Variants in GOLGA4 observed in about 807,000 individuals in gnomAD.
GOLGA4 encodes golgin subfamily A member 4.
GOLGA4 carries 169 observed loss-of-function variants against 265.9 expected under a neutral mutation model. That is an observed-to-expected ratio of 0.64 (90% CI 0.56 to 0.72). The LOEUF (loss-of-function observed/expected upper bound fraction) is 0.72, where lower values mean the gene tolerates loss of function less well. GOLGA4 is among the 30% of genes least tolerant of loss of function. GOLGA4 has a pLI of 0.00. For missense variants in GOLGA4, 2,482 were observed against 2,483.4 expected, an observed-to-expected ratio of 1.00 and a Z score of 0.01; for synonymous variants, 923 against 855.8, an observed-to-expected ratio of 1.08 and a Z score of -1.37.
At chr3:37,342,839 A>G (rs1192137908) in intron 20 of GOLGA4, among the ~76,000 whole-genome samples, 1 of 152,180 alleles carries the variant, frequency 6.6e-6, no homozygotes, top group Admixed American at 6.5e-5. Flanking sequence ...AGTAATTTCC[A>G]CTTCCATCAG....
In GOLGA4 at chr3:37,327,274, T is replaced by C. The variant is rs2096974566; in HGVS notation, c.5388T>C (p.His1796=). Residue 1796 remains histidine (H), a synonymous_variant, in exon 14 of 24, where the codon CAT becomes CAC. Transcript: ENST00000361924. ...KQHEDQSMIG[H]LQEELEEKNK... ...ATGAAGATCAAAGTATGATAGGTCATCTTCAAGAGGAGCTTGAAGAAAAAA... is the reference window on the plus strand; with the variant it reads ...ATGAAGATCAAAGTATGATAGGTCACCTTCAAGAGGAGCTTGAAGAAAAAA... 1 of 1,613,646 alleles carries C rather than the reference T, an allele frequency of 6.2e-7. No homozygotes were observed. The highest frequency in any genetic ancestry group is 8.5e-7 in the Non-Finnish European group (1 of 1,179,782).
rs1160265353 is a variant in GOLGA4 at position 37,327,546 on chromosome 3, T to C, written c.5660T>C (p.Leu1887Ser). Residue 1887 changes from leucine (L) to serine (S), a missense_variant, in exon 14 of 24, where the codon TTA becomes TCA. This residue lies in a region of GOLGA4 where 942 missense variants were observed against 983.1 expected (regional missense o/e 0.96). Transcript: ENST00000361924. ...LTSKYEKLQA[L>S]QQMDGRNKPT... ...TCAAAATATGAAAAATTACAGGCTT[T>C]ACAACAGATGGATGGAAGAAATAAA... 2 of 1,613,820 alleles carry C rather than the reference T, an allele frequency of 1.2e-6. No homozygotes were observed. Among genetic ancestry groups the C allele is most frequent in the East Asian group, 4.5e-5 (2 of 44,872 alleles).
chr3:37,326,852 TTATC>T lies in GOLGA4; in HGVS notation c.4968_4971del (p.Leu1656PhefsTer18). On this transcript the variant is annotated frameshift_variant, in exon 14 of 24. Coordinates refer to ENST00000361924, the MANE Select transcript of GOLGA4 (RefSeq NM_002078.5). LOFTEE classifies it high-confidence loss of function. ...AATTGCTGCCATTAAGAAGCAGTTG[TTATC>T]TCAAATGGAAGAGAAAGAAGAACAG... 6.2e-7 allele frequency: 1 copy of T among 1,613,598 alleles called. No individual in the cohort carries two copies. The highest frequency in any genetic ancestry group is 1.1e-5 in the South Asian group (1 of 91,012).
chr3:37,362,229 ATTTAT>A lies in GOLGA4; in HGVS notation c.*33+927_*33+931del, dbSNP rs1326072124. On this transcript the variant is annotated intron_variant, in intron 23 of 23. Transcript: ENST00000361924. ...TATTTATTTATTTATTTATTTATTT[ATTTAT>A]TTATTATTTTTTTTTTTTTTGAGAC... Among the ~76,000 whole-genome samples, 55 of 46,444 alleles carry A rather than the reference ATTTAT, an allele frequency of 1.2e-3. 1 individual carries two copies. The highest frequency in any genetic ancestry group is 2.7e-3 in the Admixed American group (9 of 3,334). The allele number at this position is 46,444 out of a possible 152,430, so 30.5% of individuals were successfully genotyped here.
intron 2 of GOLGA4, chr3:37,266,948 C>T (rs992310352): frequency 5.0e-6 from 6 of 1,205,340 alleles, no homozygotes; most frequent in South Asian, 1.3e-5. Context: ...GTGGTGAGTC[C>T]TTCCACCGCT....
chr3:37,265,912 A>C (rs2096782414), intron 2 of GOLGA4, among the ~76,000 whole-genome samples: 1 of 151,396 alleles, frequency 6.6e-6, no homozygotes, highest in Non-Finnish European at 1.5e-5. Context: ...CTGTAGTCCC[A>C]GCTACTCAGG....
In GOLGA4 at chr3:37,296,286, C is replaced by G. The variant is rs1318034857; in HGVS notation, c.814+67C>G. 20 of 1,506,964 alleles carry G rather than the reference C, an allele frequency of 1.3e-5. No individual in the cohort carries two copies. The African/African-American group carries it at 2.2e-4, about 17-fold the overall frequency. 93.3% of individuals were successfully genotyped at this position (1,506,964 alleles called of 1,614,324 possible). On this transcript the variant is annotated intron_variant, in intron 7 of 23. Transcript: ENST00000361924. ...GAGAGCCAGGCTCCTTGGCTTACAC[C>G]TTTAATCCCAACACTTTGGGAGGCC... is the stretch of plus-strand genomic sequence containing the variant.
At chr3:37,329,965 T>TA (rs1377363745) in intron 16 of GOLGA4, among the ~76,000 whole-genome samples, 5 of 149,668 alleles carry the variant, frequency 3.3e-5, no homozygotes, top group African/African-American at 1.3e-4. Flanking sequence ...CAGATTCTAA[T>TA]AATTATTTTA....
At chr3:37,253,820 C>T (rs913837176) in intron 2 of GOLGA4, among the ~76,000 whole-genome samples, 1 of 151,868 alleles carries the variant, frequency 6.6e-6, no homozygotes, top group African/African-American at 2.4e-5. Context: ...GCCAGGAGTT[C>T]GAGACCAGCC....
rs753402487 is a variant in GOLGA4 at position 37,282,179 on chromosome 3, A to G, written c.384A>G (p.Val128=). ...TGGATAGCGAGGCTGAAGACTTGGT[A>G]GGGAATTCAGACAGTCTCAACAAAG... is the stretch of plus-strand genomic sequence containing the variant. The part of the protein sequence containing the change: ...SDMDSEAEDL[V]GNSDSLNKEQ... The change falls in exon 3 of 24, where the codon GTA becomes GTG. Residue 128 remains valine, a synonymous_variant. Transcript: ENST00000361924. 1.1e-5 allele frequency: 17 copies of G among 1,614,006 alleles called. No individual in the cohort carries two copies. Among genetic ancestry groups the G allele is most frequent in the Middle Eastern group, 1.6e-4 (1 of 6,084 alleles).
intron 2 of GOLGA4, among the ~76,000 whole-genome samples, chr3:37,253,011 G>A (rs1054006405): frequency 6.6e-6 from 1 of 152,078 alleles, no homozygotes; most frequent in African/African-American, 2.4e-5. Flanking sequence ...CGCTTTGGAA[G>A]GCCAAGGCAG....
intron 2 of GOLGA4, among the ~76,000 whole-genome samples, chr3:37,258,048 T>TATATATATGTATGTATATATGTATATAC: frequency 2.2e-5 from 1 of 45,772 alleles, no homozygotes; most frequent in East Asian, 2.8e-4. Flanking sequence ...TATACATACA[T>TATATATATGTATGTATATATGTATATAC]ATATATATGT....
chr3:37,315,357 A>G (rs1269101649), intron 10 of GOLGA4, 63 bp from the exon 11 acceptor site: 1 of 1,410,412 alleles, frequency 7.1e-7, no homozygotes, highest in Middle Eastern at 2.0e-4. Flanking sequence ...AATTGAATGT[A>G]AAACACTTTA....
chr3:37,295,758 A>G (rs1414484523), intron 6 of GOLGA4, among the ~76,000 whole-genome samples: 1 of 152,228 alleles, frequency 6.6e-6, no homozygotes, highest in African/African-American at 2.4e-5. Flanking sequence ...TGGATCAGAA[A>G]TATTTAGGGG....
chr3:37,288,765 A>G (rs749437145), intron 4 of GOLGA4, among the ~76,000 whole-genome samples: 2 of 152,234 alleles, frequency 1.3e-5, no homozygotes, highest in Non-Finnish European at 1.5e-5. Flanking sequence ...GGTGTGAGCC[A>G]CTGCGCCCGG....
At chr3:37,283,035 T>C (rs1240121862) in intron 3 of GOLGA4, among the ~76,000 whole-genome samples, 2 of 152,226 alleles carry the variant, frequency 1.3e-5, no homozygotes, top group Non-Finnish European at 2.9e-5. Context: ...TATTGTCTTA[T>C]GGTTTGCAAA....
chr3:37,243,790 G>GT, intron 1 of GOLGA4, 168 bp downstream of exon 1: 1 of 604,016 alleles, frequency 1.7e-6, no homozygotes, highest in Admixed American at 3.0e-5. Context: ...CAGGTCGTCC[G>GT]TAACTCCTGA....
chr3:37,317,449 C>T (rs997330433), intron 11 of GOLGA4, among the ~76,000 whole-genome samples: 5 of 152,178 alleles, frequency 3.3e-5, no homozygotes, highest in South Asian at 2.1e-4. Context: ...GGATTACAGG[C>T]GTGAGCCACT....
intron 10 of GOLGA4, among the ~76,000 whole-genome samples, chr3:37,305,661 A>G (rs920792585): frequency 1.3e-5 from 2 of 152,360 alleles, no homozygotes; most frequent in Admixed American, 1.3e-4. Context: ...GGCTAAATAT[A>G]AGAACTGGCC....
Sources: allele counts gnomAD v4.1 joint callset (sites outside exome capture counted in the v4.1 genomes callset), GRCh38; gene constraint gnomAD v4.1.1; regional missense constraint gnomAD v4.1.1; transcripts MANE v1.5; gene names NCBI Gene and HGNC (gene_info 2026-07-23, HGNC 2026-07-21).